PDE1A: variants seen among roughly 807,000 people sequenced by gnomAD.
The protein encoded by PDE1A is dual specificity calcium/calmodulin-dependent 3',5'-cyclic nucleotide phosphodiesterase 1A.
In PDE1A, 35 loss-of-function variants were observed where a neutral mutation model predicts 61.7. The observed-to-expected ratio is 0.57, with a 90% CI of 0.43 to 0.75. PDE1A has a LOEUF of 0.75. Ranked by LOEUF, PDE1A falls within the 30% of genes least tolerant of loss-of-function variation. The pLI is 0.00. For missense variants in PDE1A, 597 were observed against 630.6 expected (o/e 0.95, Z 0.57); for synonymous variants, 232 against 213.2 (o/e 1.09, Z -0.77).
the PDE1A span, among the ~76,000 whole-genome samples, chr2:182,657,275 G>T: frequency 6.6e-6 from 1 of 152,024 alleles, no homozygotes; most frequent in Non-Finnish European, 1.5e-5. Context: ...TTTTTCAACC[G>T]CATTTAGAAT....
chr2:182,224,834 C>A (rs1432334189), intron 6 of PDE1A, among the ~76,000 whole-genome samples: 2 of 151,860 alleles, frequency 1.3e-5, no homozygotes, highest in Admixed American at 1.3e-4. Context: ...CAAGTGGTTA[C>A]CATACAGAAC....
intron 2 of PDE1A, among the ~76,000 whole-genome samples, chr2:182,472,196 T>C (rs140382466): frequency 5.9e-4 from 90 of 151,928 alleles, no homozygotes; most frequent in African/African-American, 2.1e-3. Context: ...TTCAGCAGTC[T>C]CACTACTTGG....
chr2:182,341,972 T>C (rs1003824267), intron 1 of PDE1A, among the ~76,000 whole-genome samples: 3 of 152,122 alleles, frequency 2.0e-5, no homozygotes, highest in Non-Finnish European at 4.4e-5. Flanking sequence ...CCTCGCTATG[T>C]TGCCCAGGCT....
chr2:182,306,884 T>C (rs1695623073), intron 1 of PDE1A, among the ~76,000 whole-genome samples: 1 of 151,894 alleles, frequency 6.6e-6, no homozygotes, highest in East Asian at 1.9e-4. Context: ...ACAACATGGG[T>C]CTGGGTATTG....
chr2:182,571,250 G>A, the PDE1A span, among the ~76,000 whole-genome samples: 2 of 152,054 alleles, frequency 1.3e-5, no homozygotes, highest in East Asian at 3.8e-4. Flanking sequence ...TTTTTCATAT[G>A]CTTTCTTTTA....
At chr2:182,293,730 C>A (rs190379405) in intron 1 of PDE1A, among the ~76,000 whole-genome samples, 2 of 152,142 alleles carry the variant, frequency 1.3e-5, no homozygotes, top group East Asian at 3.9e-4. Flanking sequence ...TAAAATAGAA[C>A]AATATAACTG....
intron 6 of PDE1A, among the ~76,000 whole-genome samples, chr2:182,224,266 A>C (rs1264303456): frequency 6.6e-6 from 1 of 151,916 alleles, no homozygotes; most frequent in East Asian, 1.9e-4. Flanking sequence ...TTACAGCCAT[A>C]CATGTTTGGG....
rs771758583 is a variant in PDE1A at position 182,521,960 on chromosome 2, C to T, written c.101+316G>A. ...GGAAATTTTATTTGTGGCAGTATCC[C>T]GGCAAATGGCTTTCTTAGTTACCTT... On this transcript the variant is annotated intron_variant, in intron 2 of 14. Transcript: ENST00000410103. 3.3e-5 allele frequency among the ~76,000 whole-genome samples: 5 copies of T among 152,122 alleles called. No individual in the cohort carries two copies. In the South Asian group the frequency reaches 6.2e-4, roughly 19 times the overall value.
chr2:182,382,729 A>G (rs1700805521), intron 1 of PDE1A, among the ~76,000 whole-genome samples: 1 of 152,140 alleles, frequency 6.6e-6, no homozygotes, highest in Non-Finnish European at 1.5e-5. Context: ...AATTTTGAGG[A>G]TATTTTCTTT....
chr2:182,545,466 T>A, the PDE1A span, among the ~76,000 whole-genome samples: 1 of 152,216 alleles, frequency 6.6e-6, no homozygotes, highest in African/African-American at 2.4e-5. Flanking sequence ...ATAAATTCCT[T>A]CCATTTGAAA....
intron 1 of PDE1A, among the ~76,000 whole-genome samples, chr2:182,335,598 A>AC (rs1234548525): frequency 2.0e-5 from 3 of 152,298 alleles, no homozygotes; most frequent in East Asian, 3.9e-4. Flanking sequence ...CCTTCCTTAC[A>AC]CCTTATACAA....
chr2:182,571,441 C>T, the PDE1A span, among the ~76,000 whole-genome samples: 1 of 151,928 alleles, frequency 6.6e-6, no homozygotes, highest in Non-Finnish European at 1.5e-5. Context: ...GTTTGTTAAG[C>T]CTCTTATTTT....
chr2:182,472,186 T>G (rs1687068812), intron 2 of PDE1A, among the ~76,000 whole-genome samples: 1 of 151,810 alleles, frequency 6.6e-6, no homozygotes, highest in African/African-American at 2.4e-5. Flanking sequence ...GACCATATGA[T>G]TCAGCAGTCT....
At chr2:182,712,992 T>A in the PDE1A span, among the ~76,000 whole-genome samples, 2 of 152,220 alleles carry the variant, frequency 1.3e-5, no homozygotes, top group African/African-American at 4.8e-5. Flanking sequence ...TGCTTTTACA[T>A]TCCCATTTTG....
chr2:182,675,533 C>T, the PDE1A span, among the ~76,000 whole-genome samples: 1 of 152,134 alleles, frequency 6.6e-6, no homozygotes, highest in Non-Finnish European at 1.5e-5. Flanking sequence ...AATTGCCATG[C>T]TGCTTTCAAT....
chr2:182,518,315 C>G (rs1275241095), intron 2 of PDE1A, among the ~76,000 whole-genome samples: 1 of 152,154 alleles, frequency 6.6e-6, no homozygotes, highest in African/African-American at 2.4e-5. Flanking sequence ...AACTACACAA[C>G]ATACTGCCCT....
At chr2:182,327,838 T>C (rs1012592240) in intron 1 of PDE1A, among the ~76,000 whole-genome samples, 4 of 152,142 alleles carry the variant, frequency 2.6e-5, no homozygotes, top group Non-Finnish European at 5.9e-5. Flanking sequence ...TTTTTCTAAG[T>C]AGAAAAGATA....
At chr2:182,463,193 T>C (rs1686424724) in intron 2 of PDE1A, among the ~76,000 whole-genome samples, 1 of 151,504 alleles carries the variant, frequency 6.6e-6, no homozygotes, top group Non-Finnish European at 1.5e-5. Flanking sequence ...GAGCTGAGAG[T>C]GCGCCACTGC....
the PDE1A span, among the ~76,000 whole-genome samples, chr2:182,649,598 C>G: frequency 6.0e-5 from 8 of 132,542 alleles, no homozygotes; most frequent in African/African-American, 2.4e-4. Context: ...ACCAAGACCC[C>G]ACTCTATACA....
Sources: gnomAD v4.1 joint callset for allele counts (sites outside exome capture counted in the v4.1 genomes callset) on GRCh38, gnomAD v4.1.1 for gene constraint, MANE v1.5 for transcripts, NCBI Gene and HGNC (gene_info 2026-07-23, HGNC 2026-07-21) for gene names.